GPR137: variants seen among roughly 807,000 people sequenced by gnomAD.
GPR137 encodes integral membrane protein GPR137.
In GPR137, 20 loss-of-function variants were observed where a neutral mutation model predicts 38.9. The ratio of observed to expected loss-of-function variants is 0.51; its 90% CI spans 0.36 to 0.75. GPR137 has a LOEUF of 0.75. Ranked by LOEUF, GPR137 falls within the 30% of genes least tolerant of loss-of-function variation. The pLI, the probability that GPR137 is intolerant of heterozygous loss-of-function variation, is 0.00. For synonymous variants in GPR137, 226 were observed against 235.8 expected (o/e 0.96, Z 0.38); for missense variants, 456 against 526.4 (o/e 0.87, Z 1.31).
rs2034475237 is a variant in GPR137 at position 64,288,985 on chromosome 11, T to C, written c.1032-52T>C. 2.0e-6 allele frequency: 3 copies of C among 1,472,148 alleles called. No individual in the cohort carries two copies. Among genetic ancestry groups the C allele is most frequent in the Non-Finnish European group, 2.7e-6 (3 of 1,113,270 alleles). 91.2% of individuals were successfully genotyped at this position (1,472,148 alleles called of 1,614,324 possible). A position where few individuals can be genotyped will look rare whatever the true frequency, so the allele number is the denominator to read the frequency against. ...GCCTGTCTTCCTCCTGCAGCTCTTG[T>C]GACTGTGGCCCTGGTCACTGTCCTG... On this transcript the variant is annotated intron_variant, in intron 6 of 6. Coordinates refer to ENST00000438980, the MANE Select transcript of GPR137 (RefSeq NM_001170880.2). The surrounding 1 kb of genome is among the most constrained non-coding windows in gnomAD (Gnocchi z 5.5).
chr11:64,281,828 C>T (rs1165131277), upstream of GPR137, among the ~76,000 whole-genome samples: 1 of 152,228 alleles, frequency 6.6e-6, no homozygotes, highest in Non-Finnish European at 1.5e-5. Flanking sequence ...TCAAGCGATT[C>T]TCCTGCCTCA....
intron 2 of GPR137, chr11:64,287,266 A>G (rs2034199429): frequency 5.1e-6 from 5 of 985,330 alleles, no homozygotes; most frequent in Non-Finnish European, 6.0e-6. Context: ...ATGGAGGGCG[A>G]GCTGGAGGCT....
chr11:64,284,791 C>T (rs1460375171), upstream of GPR137: 4 of 1,531,022 alleles, frequency 2.6e-6, no homozygotes, highest in Admixed American at 2.0e-5. Context: ...GTCAACCCGG[C>T]CCGGCCCCGC....
At chr11:64,274,717 A>G (rs1341387872), upstream of GPR137, among the ~76,000 whole-genome samples, 1 of 151,996 alleles carries the variant, frequency 6.6e-6, no homozygotes. Context: ...GCTACTCAGG[A>G]GGCTGAGGCG....
upstream of GPR137, chr11:64,285,487 T>C: frequency 3.0e-6 from 3 of 984,746 alleles, no homozygotes; most frequent in Non-Finnish European, 3.6e-6. Flanking sequence ...ATCTTGGCTA[T>C]GGGCGGAAGT....
chr11:64,270,978 A>T (rs140629234), upstream of GPR137, among the ~76,000 whole-genome samples: 33 of 5,474 alleles, frequency 6.0e-3, no homozygotes, highest in Non-Finnish European at 0.011. Context: ...GCCCTGTGAC[A>T]CACACACACA....
At position 64,287,888 on chromosome 11, in the gene GPR137, C is replaced by CCTGCCT; in HGVS notation, c.583_588dup (p.Cys195_Leu196dup). ...GTCATCTGCGCGCTGTCTCTTGCTGCCTGCCTCTGCCTCGTCGCCAGGCGG... is the reference window on the plus strand; with the variant it reads ...GTCATCTGCGCGCTGTCTCTTGCTGCCTGCCTCTGCCTCTGCCTCGTCGCCAGGCGG... On this transcript the variant is annotated inframe_insertion, in exon 3 of 7. Coordinates refer to ENST00000438980, the MANE Select transcript of GPR137 (RefSeq NM_001170880.2). 1.2e-6 allele frequency: 2 copies of CCTGCCT among 1,603,408 alleles called. No individual in the cohort carries two copies. Among genetic ancestry groups the CCTGCCT allele is most frequent in the Non-Finnish European group, 1.7e-6 (2 of 1,179,960 alleles).
chr11:64,270,898 GAGACACACACACACAC>G (rs1565343969), upstream of GPR137, among the ~76,000 whole-genome samples: 2 of 86,852 alleles, frequency 2.3e-5, no homozygotes, highest in Non-Finnish European at 4.7e-5. Flanking sequence ...CATGCCCTGT[GAGACACACACACACAC>G]ACACACACAC....
At chr11:64,273,838 C>T (rs1420793487), upstream of GPR137, among the ~76,000 whole-genome samples, 4 of 140,604 alleles carry the variant, frequency 2.8e-5, no homozygotes, top group South Asian at 2.3e-4. Flanking sequence ...GCCAAGATCA[C>T]GCCACTGCAC....
At chr11:64,285,736 AATTCTC>A (rs2033909855), upstream of GPR137, 7 of 985,330 alleles carry the variant, frequency 7.1e-6, no homozygotes, top group Non-Finnish European at 8.4e-6. Context: ...AGCTCGCGCC[AATTCTC>A]GTACGGTTTC....
At chr11:64,271,644 C>T, upstream of GPR137, 1 of 1,504,038 alleles carries the variant, frequency 6.6e-7, no homozygotes, top group Non-Finnish European at 8.9e-7. Context: ...GTCACTCATC[C>T]TCCGGAGCTC....
upstream of GPR137, chr11:64,285,469 C>T: frequency 2.0e-6 from 2 of 984,440 alleles, no homozygotes; most frequent in Non-Finnish European, 2.4e-6. Flanking sequence ...GGGCGGGGCC[C>T]GGGGGCCATC....
intron 2 of GPR137, chr11:64,287,303 A>G: frequency 1.0e-6 from 1 of 985,306 alleles, no homozygotes; most frequent in Non-Finnish European, 1.2e-6. Context: ...CCAAAGCCAT[A>G]TGCACTCCTG....
upstream of GPR137, chr11:64,285,513 A>T (rs563296743): frequency 1.0e-6 from 1 of 984,874 alleles, no homozygotes; most frequent in South Asian, 4.7e-5. Flanking sequence ...TCAGAGACCG[A>T]GGGACGGGAA....
upstream of GPR137, chr11:64,285,308 G>A (rs1475505542): frequency 1.0e-6 from 1 of 985,708 alleles, no homozygotes; most frequent in Non-Finnish European, 1.2e-6. Context: ...GGGCGCGGGA[G>A]GAGGGCCGGG....
chr11:64,285,306 G>A (rs2033827423), upstream of GPR137: 1 of 985,816 alleles, frequency 1.0e-6, no homozygotes, highest in African/African-American at 1.7e-5. Context: ...CCGGGCGCGG[G>A]AGGAGGGCCG....
At chr11:64,284,203 T>C (rs764345127), upstream of GPR137, 2 of 1,601,720 alleles carry the variant, frequency 1.2e-6, no homozygotes, top group African/African-American at 2.7e-5. Flanking sequence ...CTGCTGCTGG[T>C]TGGCTGCTCC....
At chr11:64,271,825 G>A (rs780752598), upstream of GPR137, 2 of 1,371,618 alleles carry the variant, frequency 1.5e-6, no homozygotes, top group South Asian at 3.6e-5. Flanking sequence ...CAGTGGGTAG[G>A]GGGGCGACGT....
chr11:64,289,384 G>A lies in GPR137; in HGVS notation c.*188G>A, dbSNP rs1011415557. 2.6e-6 allele frequency: 4 copies of A among 1,555,824 alleles called. No homozygotes were observed. The highest frequency in any genetic ancestry group is 3.5e-6 in the Non-Finnish European group (4 of 1,150,684). ...CCCCTAGGATGGGGGGCATGGCCCT[G>A]GCTGCCAGATGCCCACAGCACCCTG... is the stretch of plus-strand genomic sequence containing the variant. On this transcript the variant is annotated 3_prime_UTR_variant, in exon 7 of 7. Transcript: ENST00000438980.
Sources: allele counts gnomAD v4.1 joint callset (sites outside exome capture counted in the v4.1 genomes callset), GRCh38; gene constraint gnomAD v4.1.1; non-coding constraint Gnocchi (gnomAD v3.1); transcripts MANE v1.5; gene names NCBI Gene and HGNC (gene_info 2026-07-23, HGNC 2026-07-21).